Variants in CRPPA observed in about 807,000 individuals in gnomAD.
CRPPA encodes D-ribitol-5-phosphate cytidylyltransferase.
A neutral mutation model predicts 52.0 loss-of-function variants in CRPPA; 43 were observed. The observed-to-expected ratio is 0.83, with a 90% CI of 0.65 to 1.07. CRPPA has a LOEUF of 1.07. Ranked by LOEUF, CRPPA falls within the 50% of genes least tolerant of loss-of-function variation. The pLI, the probability that CRPPA is intolerant of heterozygous loss-of-function variation, is 0.00. For missense variants in CRPPA, 629 were observed against 551.7 expected, an observed-to-expected ratio of 1.14 and a Z score of -1.40; for synonymous variants, 250 against 203.5, an observed-to-expected ratio of 1.23 and a Z score of -1.94.
chr7:16,134,201 G>A (rs1166601480), intron 9 of CRPPA, among the ~76,000 whole-genome samples: 1 of 125,128 alleles, frequency 8.0e-6, no homozygotes, highest in Non-Finnish European at 1.8e-5. Context: ...AAAGTGCTGG[G>A]ATTACAGGCG....
chr7:16,305,998 T>C lies in CRPPA; in HGVS notation c.789+2525A>G, dbSNP rs182421886. On this transcript the variant is annotated intron_variant, in intron 4 of 9. Transcript: ENST00000407010. Reference sequence around the variant, plus strand: ...GGAAGAATTCTTTCCAGCCTCTTCCTAGCTTCTGGTGATGGCTGGCAACCC... The same window carrying C: ...GGAAGAATTCTTTCCAGCCTCTTCCCAGCTTCTGGTGATGGCTGGCAACCC... 1.1e-4 allele frequency among the ~76,000 whole-genome samples: 17 copies of C among 152,338 alleles called. No individual in the cohort carries two copies. In the East Asian group the frequency reaches 3.3e-3, roughly 29 times the overall value.
intron 2 of CRPPA, among the ~76,000 whole-genome samples, chr7:16,389,508 A>G (rs1410550558): frequency 6.6e-6 from 1 of 152,214 alleles, no homozygotes; most frequent in Non-Finnish European, 1.5e-5. Context: ...GGACAAACAT[A>G]TGAACATGTC....
chr7:16,406,374 T>C (rs776572484), intron 1 of CRPPA, 37 bp from the exon 2 acceptor site: 2 of 1,565,174 alleles, frequency 1.3e-6, no homozygotes, highest in Non-Finnish European at 1.7e-6. Context: ...GTAAATTAAT[T>C]CTTAGACAAC....
chr7:16,159,935 C>T (rs1356354050), intron 9 of CRPPA, among the ~76,000 whole-genome samples: 59 of 152,274 alleles, frequency 3.9e-4, no homozygotes, highest in Non-Finnish European at 1.0e-4. Flanking sequence ...TCTATAGTGA[C>T]CAGTGATGAT....
intron 9 of CRPPA, among the ~76,000 whole-genome samples, chr7:16,165,967 T>A (rs1781056580): frequency 6.6e-6 from 1 of 152,244 alleles, no homozygotes; most frequent in Non-Finnish European, 1.5e-5. Flanking sequence ...TCCAAAAGCC[T>A]ACATTAAGTT....
intron 3 of CRPPA, among the ~76,000 whole-genome samples, chr7:16,327,455 C>T (rs921118486): frequency 1.3e-5 from 2 of 151,736 alleles, no homozygotes; most frequent in South Asian, 2.1e-4. Flanking sequence ...TAGCCGGGCG[C>T]GGTGGCGGGC....
At chr7:16,250,271 G>C (rs1783409468) in intron 8 of CRPPA, among the ~76,000 whole-genome samples, 1 of 152,172 alleles carries the variant, frequency 6.6e-6, no homozygotes, top group African/African-American at 2.4e-5. Flanking sequence ...AAGTGACGGG[G>C]AGAATGACAC....
At chr7:16,152,304 A>G (rs2128379145) in intron 9 of CRPPA, among the ~76,000 whole-genome samples, 1 of 152,080 alleles carries the variant, frequency 6.6e-6, no homozygotes, top group African/African-American at 2.4e-5. Flanking sequence ...GAGTATTATA[A>G]AATATACTTT....
chr7:16,286,045 ATATATATATAT>A (rs1562608433), intron 5 of CRPPA, among the ~76,000 whole-genome samples: 203 of 7,634 alleles, frequency 0.027, 10 homozygotes, highest in South Asian at 0.036. Flanking sequence ...AAAAATATAA[ATATATATATAT>A]ATATATATAT....
chr7:16,376,039 T>G, intron 3 of CRPPA, 53 bp downstream of exon 3: 1 of 1,519,030 alleles, frequency 6.6e-7, no homozygotes, highest in Admixed American at 2.1e-5. Flanking sequence ...ATGTGGAGGT[T>G]GTTTGGGGAA....
intron 9 of CRPPA, among the ~76,000 whole-genome samples, chr7:16,169,418 C>T (rs1781131578): frequency 6.6e-6 from 1 of 152,142 alleles, no homozygotes; most frequent in South Asian, 2.1e-4. Flanking sequence ...TTAAACATTG[C>T]TAATCATAAT....
At chr7:16,230,725 C>A (rs368762892) in intron 8 of CRPPA, among the ~76,000 whole-genome samples, 2 of 152,106 alleles carry the variant, frequency 1.3e-5, no homozygotes, top group East Asian at 1.9e-4. Context: ...GGTCATTTGT[C>A]AATGTCTGCA....
intron 9 of CRPPA, among the ~76,000 whole-genome samples, chr7:16,117,779 A>G (rs1782406110): frequency 6.6e-6 from 1 of 152,162 alleles, no homozygotes; most frequent in Non-Finnish European, 1.5e-5. Flanking sequence ...TTTGACCAGA[A>G]TCCATTCATG....
intron 2 of CRPPA, among the ~76,000 whole-genome samples, chr7:16,396,189 A>G (rs528801956): frequency 6.6e-6 from 1 of 152,340 alleles, no homozygotes; most frequent in East Asian, 1.9e-4. Context: ...AGAAGCCAGG[A>G]AAAATTATTA....
intron 9 of CRPPA, among the ~76,000 whole-genome samples, chr7:16,118,368 T>C (rs1782419865): frequency 6.6e-6 from 1 of 152,208 alleles, no homozygotes; most frequent in Admixed American, 6.5e-5. Flanking sequence ...GTGCCTGCAC[T>C]GCTCCTACAC....
chr7:16,127,034 T>C (rs990634410), intron 9 of CRPPA, among the ~76,000 whole-genome samples: 1 of 152,198 alleles, frequency 6.6e-6, no homozygotes, highest in Non-Finnish European at 1.5e-5. Flanking sequence ...GCAGACAATG[T>C]TCTCTCACAG....
intron 4 of CRPPA, among the ~76,000 whole-genome samples, chr7:16,302,275 T>G (rs908925098): frequency 6.3e-5 from 7 of 111,164 alleles, no homozygotes; most frequent in South Asian, 2.8e-4. Flanking sequence ...CAGCCTGGGC[T>G]ACAGAGCGAG....
chr7:16,150,868 G>T (rs1401873884), intron 9 of CRPPA, among the ~76,000 whole-genome samples: 2 of 152,136 alleles, frequency 1.3e-5, no homozygotes, highest in African/African-American at 4.8e-5. Context: ...TACCAAACGA[G>T]TTTTTTATAA....
At chr7:16,166,236 G>C (rs1240990892) in intron 9 of CRPPA, among the ~76,000 whole-genome samples, 1 of 152,058 alleles carries the variant, frequency 6.6e-6, no homozygotes, top group African/African-American at 2.4e-5. Context: ...GACAGCATTA[G>C]GATTAGATAG....
Sources: allele counts gnomAD v4.1 joint callset (sites outside exome capture counted in the v4.1 genomes callset), GRCh38; gene constraint gnomAD v4.1.1; transcripts MANE v1.5; gene names NCBI Gene and HGNC (gene_info 2026-07-23, HGNC 2026-07-21).